The following JAKMIP1 variants were observed in gnomAD, a reference collection of about 807,000 sequenced individuals.
JAKMIP1 encodes janus kinase and microtubule interacting protein 1.
JAKMIP1 carries 33 observed loss-of-function variants against 113.0 expected under a neutral mutation model. The observed-to-expected ratio is 0.29, with a 90% CI of 0.22 to 0.39. The LOEUF (loss-of-function observed/expected upper bound fraction) is 0.39. Among genes scored for constraint, JAKMIP1 ranks in the 10% least tolerant of loss-of-function variants. The pLI, the probability that JAKMIP1 is intolerant of heterozygous loss-of-function variation, is 1.00. For synonymous variants in JAKMIP1, 480 were observed against 459.9 expected (o/e 1.04, Z -0.56); for missense variants, 813 against 1,080.5 (o/e 0.75, Z 3.47).
intron 8 of JAKMIP1, among the ~76,000 whole-genome samples, chr4:6,070,427 T>C (rs1459623541): frequency 1.3e-5 from 2 of 152,236 alleles, no homozygotes; most frequent in Admixed American, 6.5e-5. Flanking sequence ...AGAGCCCAGA[T>C]GCTGGCCACG....
chr4:6,126,371 G>GCACAAACACACACCATGCAGAAACACCCA (rs149868835), intron 1 of JAKMIP1, among the ~76,000 whole-genome samples: 1 of 117,484 alleles, frequency 8.5e-6, no homozygotes, highest in Non-Finnish European at 1.7e-5. Flanking sequence ...ACACACACAT[G>GCACAAACACACACCATGCAGAAACACCCA]CACAAACACA....
At chr4:6,170,001 C>T (rs1724188455) in intron 1 of JAKMIP1, among the ~76,000 whole-genome samples, 3 of 144,504 alleles carry the variant, frequency 2.1e-5, no homozygotes, top group Non-Finnish European at 4.5e-5. Context: ...CCACCACCAC[C>T]ACCACCACCC....
Position 6,197,073 on chromosome 4 carries a change from C to T in JAKMIP1, c.-148+3180G>A, listed in dbSNP as rs978550535. Among the ~76,000 whole-genome samples, 14 of 152,124 alleles carry T rather than the reference C, an allele frequency of 9.2e-5. No individual in the cohort carries two copies. The highest frequency in any genetic ancestry group is 3.2e-3 in the Middle Eastern group (1 of 316). ...CGTAGACCTCACCCTGTGTGGTGCC[C>T]GTGCAGCAAAGATGAGATAACCCGA... On this transcript the variant is annotated intron_variant, in intron 1 of 20. Coordinates refer to ENST00000409021, the MANE Select transcript of JAKMIP1 (RefSeq NM_001099433.2). This position sits in a 1 kb window ranked among gnomAD's most constrained non-coding sequence, Gnocchi z 6.5.
At chr4:6,027,017 C>T (rs1029916748) in intron 20 of JAKMIP1, among the ~76,000 whole-genome samples, 9 of 151,646 alleles carry the variant, frequency 5.9e-5, no homozygotes, top group African/African-American at 2.2e-4. Context: ...TTCTTTCTTC[C>T]AAGAGAGTCG....
In JAKMIP1 at chr4:6,105,494, G is replaced by A. The variant is rs760362536; in HGVS notation, c.603C>T (p.Cys201=). The change falls in exon 3 of 21, where the codon TGC becomes TGT. Residue 201 remains cysteine, a synonymous_variant. Coordinates refer to ENST00000409021, the MANE Select transcript of JAKMIP1 (RefSeq NM_001099433.2). ...GTACCAGCCTGCGGATGTCGCGCTC[G>A]CACTCGCGCTTGATGCGGTGCACCT... The part of the protein sequence containing the change: ...QDEVHRIKRE[C]ERDIRRLMDE... 8.7e-6 allele frequency: 14 copies of A among 1,604,280 alleles called. No individual in the cohort carries two copies. In the South Asian group the frequency reaches 1.0e-4, roughly 11 times the overall value.
rs564449938 is a variant in JAKMIP1 at position 6,050,787 on chromosome 4, T to C, written c.1807-108A>G. 2 of 875,542 alleles carry C rather than the reference T, an allele frequency of 2.3e-6. No individual in the cohort carries two copies. The highest frequency in any genetic ancestry group is 3.4e-5 in the African/African-American group (2 of 58,674). The allele number at this position is 875,542 out of a possible 1,614,324, so 54.2% of individuals were successfully genotyped here. On this transcript the variant is annotated intron_variant, in intron 13 of 20. Transcript: ENST00000409021. The surrounding 1 kb of genome is among the most constrained non-coding windows in gnomAD (Gnocchi z 7.4). Reference sequence around the variant, plus strand: ...CAAGGAATTCCAGTGGGCACAGACGTTACTAAAAAGCACGAGTTCGGACTA... The same window carrying C: ...CAAGGAATTCCAGTGGGCACAGACGCTACTAAAAAGCACGAGTTCGGACTA...
At chr4:6,191,878 C>T (rs949884336) in intron 1 of JAKMIP1, among the ~76,000 whole-genome samples, 2 of 149,126 alleles carry the variant, frequency 1.3e-5, no homozygotes, top group African/African-American at 2.5e-5. Flanking sequence ...TTTTACATTC[C>T]GTTTTTTTCA....
chr4:6,110,511 G>A (rs1303258436), intron 2 of JAKMIP1, among the ~76,000 whole-genome samples: 1 of 150,930 alleles, frequency 6.6e-6, no homozygotes, highest in African/African-American at 2.4e-5. Context: ...TTGCTCACCT[G>A]TAACACGGGG....
At chr4:6,112,559 G>A (rs1715104566) in intron 2 of JAKMIP1, among the ~76,000 whole-genome samples, 163 bp downstream of exon 2, 1 of 152,226 alleles carries the variant, frequency 6.6e-6, no homozygotes, top group African/African-American at 2.4e-5. Flanking sequence ...CTCCTGCCCA[G>A]CAGTCTCTGT....
chr4:6,196,059 C>G (rs1342821391), intron 1 of JAKMIP1, among the ~76,000 whole-genome samples: 1 of 152,216 alleles, frequency 6.6e-6, no homozygotes, highest in African/African-American at 2.4e-5. Context: ...CTTCGGGTTG[C>G]AGTTCTGAAA....
rs147357731 is a variant in JAKMIP1 at position 6,175,712 on chromosome 4, C to CT, written c.-148+24540dup. ...TAGAACACCAGCACCCTGCTCGTGC[C>CT]TGGGGCATGCCTGCCAATCCGTGGC... On this transcript the variant is annotated intron_variant, in intron 1 of 20. Coordinates refer to ENST00000409021, the MANE Select transcript of JAKMIP1 (RefSeq NM_001099433.2). Among the ~76,000 whole-genome samples, 1,474 of 152,352 alleles carry CT rather than the reference C, an allele frequency of 9.7e-3. 20 individuals carry two copies. The highest frequency in any genetic ancestry group is 0.033 in the African/African-American group (1,380 of 41,572).
chr4:6,191,902 C>T (rs185758927), intron 1 of JAKMIP1, among the ~76,000 whole-genome samples: 21 of 76,914 alleles, frequency 2.7e-4, no homozygotes, highest in African/African-American at 8.9e-4. Flanking sequence ...GTCTTCAAGC[C>T]CAGGAGTGCA....
intron 1 of JAKMIP1, among the ~76,000 whole-genome samples, chr4:6,131,200 C>A (rs1578330617): frequency 8.5e-6 from 1 of 117,702 alleles, no homozygotes; most frequent in Admixed American, 8.9e-5. Context: ...AAGACAACTA[C>A]AAAAGGTATA....
At chr4:6,110,709 G>C (rs1023479922) in intron 2 of JAKMIP1, among the ~76,000 whole-genome samples, 1 of 148,142 alleles carries the variant, frequency 6.8e-6, no homozygotes, top group African/African-American at 2.5e-5. Context: ...AGACACCTTA[G>C]AGGTCCCCAT....
Position 6,076,665 on chromosome 4 carries a change from T to A in JAKMIP1, c.1302+2274A>T, listed in dbSNP as rs1048924767. The stretch of plus-strand genomic sequence containing the variant: ...AGGTATATATTTTACAGGCTGAGTG[T>A]CCTTTATCTGAAATACTTGGAACCA... On this transcript the variant is annotated intron_variant, in intron 8 of 20. Coordinates refer to ENST00000409021, the MANE Select transcript of JAKMIP1 (RefSeq NM_001099433.2). This position sits in a 1 kb window ranked among gnomAD's most constrained non-coding sequence, Gnocchi z 4.8. 1.3e-5 allele frequency among the ~76,000 whole-genome samples: 2 copies of A among 152,174 alleles called. No individual in the cohort carries two copies. Among genetic ancestry groups the A allele is most frequent in the Non-Finnish European group, 2.9e-5 (2 of 68,034 alleles).
rs1216582911 is a variant in JAKMIP1 at position 6,183,780 on chromosome 4, C to G, written c.-148+16473G>C. ...GGACCTGGGCTGCCAGGTGAACACTCAGCTTTGTGCAGGGCTTGGGGGACA... is the reference window on the plus strand; with the variant it reads ...GGACCTGGGCTGCCAGGTGAACACTGAGCTTTGTGCAGGGCTTGGGGGACA... On this transcript the variant is annotated intron_variant, in intron 1 of 20. Coordinates refer to ENST00000409021, the MANE Select transcript of JAKMIP1 (RefSeq NM_001099433.2). The surrounding 1 kb of genome is among the most constrained non-coding windows in gnomAD (Gnocchi z 5.3). Among the ~76,000 whole-genome samples the G allele has an allele frequency of 6.6e-6, 1 of 152,188 alleles. No homozygotes were observed. Among genetic ancestry groups the G allele is most frequent in the Admixed American group, 6.5e-5 (1 of 15,280 alleles).
At chr4:6,060,738 A>G (rs916189014) in intron 10 of JAKMIP1, among the ~76,000 whole-genome samples, 3 of 152,238 alleles carry the variant, frequency 2.0e-5, no homozygotes, top group African/African-American at 7.2e-5. Context: ...ACAAACCAAA[A>G]CTTGCTTGGC....
chr4:6,099,705 A>T (rs925508584), intron 3 of JAKMIP1, among the ~76,000 whole-genome samples: 4 of 152,184 alleles, frequency 2.6e-5, no homozygotes, highest in Non-Finnish European at 4.4e-5. Flanking sequence ...CCTATCTGGC[A>T]TTGTTTCTCT....
intron 1 of JAKMIP1, among the ~76,000 whole-genome samples, chr4:6,170,364 CCTCT>C (rs1322384384): frequency 8.9e-5 from 2 of 22,350 alleles, no homozygotes. Flanking sequence ...ACCACCACCA[CCTCT>C]ATCACCACCA....
Sources: allele counts gnomAD v4.1 joint callset (sites outside exome capture counted in the v4.1 genomes callset), GRCh38; gene constraint gnomAD v4.1.1; non-coding constraint Gnocchi (gnomAD v3.1); transcripts MANE v1.5; gene names NCBI Gene and HGNC (gene_info 2026-07-23, HGNC 2026-07-21).